HEATR5B: variants seen among roughly 807,000 people sequenced by gnomAD.
HEATR5B encodes HEAT repeat-containing protein 5B.
Under a neutral mutation model 224.1 loss-of-function variants are expected in HEATR5B, and 156 were observed. That is an observed-to-expected ratio of 0.70 (90% confidence interval 0.61 to 0.80). The LOEUF is 0.80. Ranked by LOEUF, HEATR5B falls within the 30% of genes least tolerant of loss-of-function variation. HEATR5B has a pLI of 0.00. For synonymous variants in HEATR5B, 1,027 were observed against 893.0 expected, an observed-to-expected ratio of 1.15 and a Z score of -2.68; for missense variants, 2,323 against 2,535.5, an observed-to-expected ratio of 0.92 and a Z score of 1.80.
chr2:36,992,184 T>G (rs1249119427), intron 33 of HEATR5B, among the ~76,000 whole-genome samples: 2 of 151,756 alleles, frequency 1.3e-5, no homozygotes, highest in African/African-American at 4.8e-5. Flanking sequence ...GGTGACAGAG[T>G]GAGACTCAGT....
chr2:37,009,125 G>A (rs895165153), intron 27 of HEATR5B, among the ~76,000 whole-genome samples: 2 of 151,834 alleles, frequency 1.3e-5, no homozygotes, highest in Admixed American at 6.6e-5. Context: ...GGGCATGGTG[G>A]CAGGCACCTG....
At chr2:37,006,839 G>C (rs541601158) in intron 29 of HEATR5B, among the ~76,000 whole-genome samples, 6 of 152,122 alleles carry the variant, frequency 3.9e-5, no homozygotes, top group Non-Finnish European at 7.4e-5. Context: ...GTGTGAATGA[G>C]CATGACAGTT....
intron 35 of HEATR5B, among the ~76,000 whole-genome samples, chr2:36,987,188 G>A (rs1572731861): frequency 6.6e-6 from 1 of 152,148 alleles, no homozygotes; most frequent in Non-Finnish European, 1.5e-5. Flanking sequence ...GAGCACTTTG[G>A]GAGGCTGAGG....
intron 15 of HEATR5B, among the ~76,000 whole-genome samples, 155 bp downstream of exon 15, chr2:37,057,162 T>G (rs991251807): frequency 1.3e-5 from 2 of 152,240 alleles, no homozygotes; most frequent in Non-Finnish European, 2.9e-5. Flanking sequence ...TTAACTTTTT[T>G]CACTATCTAC....
At chr2:37,034,612 C>CA (rs772823865) in intron 21 of HEATR5B, among the ~76,000 whole-genome samples, 5,038 of 30,536 alleles carry the variant, frequency 0.16, 1,153 homozygotes, top group East Asian at 0.49. Flanking sequence ...GACTCTGTCT[C>CA]AAAAAAAAAA....
At chr2:37,000,470 C>G (rs1471028983) in intron 33 of HEATR5B, 116 bp downstream of exon 33, 1 of 744,930 alleles carries the variant, frequency 1.3e-6, no homozygotes. Context: ...GACTAACATA[C>G]CTCTCTGAGA....
chr2:37,011,650 A>G (rs1667795891), intron 27 of HEATR5B, among the ~76,000 whole-genome samples: 1 of 152,226 alleles, frequency 6.6e-6, no homozygotes, highest in African/African-American at 2.4e-5. Context: ...TTTCATAACC[A>G]TTATTTTAAT....
intron 21 of HEATR5B, among the ~76,000 whole-genome samples, chr2:37,034,651 G>A (rs2148480473): frequency 7.0e-6 from 1 of 143,684 alleles, no homozygotes; most frequent in Admixed American, 7.0e-5. Context: ...ACATCGCCCA[G>A]GCTGGTGTGC....
intron 14 of HEATR5B, 84 bp from the exon 15 acceptor site, chr2:37,057,564 T>C: frequency 1.2e-6 from 1 of 830,762 alleles, no homozygotes; most frequent in Non-Finnish European, 1.9e-6. Context: ...CTGCAACATG[T>C]TCAACAGGAA....
chr2:37,057,438 G>A lies in HEATR5B; in HGVS notation c.2102C>T (p.Thr701Ile). 1 of 1,611,178 alleles carries A rather than the reference G, an allele frequency of 6.2e-7. No individual in the cohort carries two copies. ...TGTGTTGGCTGAGTTGTCAGTCAAA[G>A]TGAATTCCGCTACCAGTTCTCTAAG... Reference protein sequence around the residue: ...ALLRELVAEFTLTDNSANTTT... With the variant: ...ALLRELVAEFILTDNSANTTT... Residue 701 changes from threonine to isoleucine, a missense_variant, in exon 15 of 36, where the codon ACT becomes ATT. Thr to Ile is a moderately conservative substitution (Grantham distance 89, BLOSUM62 -1). Coordinates refer to ENST00000233099, the MANE Select transcript of HEATR5B (RefSeq NM_019024.3).
At chr2:36,985,642 TTTTC>T (rs1558689118) in intron 35 of HEATR5B, among the ~76,000 whole-genome samples, 1 of 144,890 alleles carries the variant, frequency 6.9e-6, no homozygotes. Flanking sequence ...TTTTTTTTTT[TTTTC>T]AGTAGAGACG....
chr2:37,046,570 T>G (rs1572881481), intron 18 of HEATR5B, among the ~76,000 whole-genome samples: 1 of 143,320 alleles, frequency 7.0e-6, no homozygotes, highest in African/African-American at 2.6e-5. Context: ...ACCCGGCAGG[T>G]GGAGGTTGCA....
chr2:37,072,431 GGCAATGAA>G (rs1455545728), intron 5 of HEATR5B, 150 bp from the exon 6 acceptor site: 3 of 559,844 alleles, frequency 5.4e-6, no homozygotes, highest in Non-Finnish European at 9.4e-6. Flanking sequence ...CTGGACATCA[GGCAATGAA>G]GCATCTTTGA....
In HEATR5B at chr2:37,053,502, CT is replaced by C. The variant is rs2148534801; in HGVS notation, c.2504del (p.Lys835ArgfsTer3). 1 of 1,558,788 alleles carries C rather than the reference CT, an allele frequency of 6.4e-7. No individual in the cohort carries two copies. The highest frequency in any genetic ancestry group is 1.2e-5 in the South Asian group (1 of 85,940). Reference sequence around the variant, plus strand: ...AATAGTATGTATTAAAAGTAAATACCTTTAGTGCACTAAGAACAGCAGTAAA... The same window carrying C: ...AATAGTATGTATTAAAAGTAAATACCTTAGTGCACTAAGAACAGCAGTAAA... The part of the protein sequence containing the change: ...NIFTAVLSAL[K>X]GLAENKSTLG... On this transcript the variant is annotated frameshift_variant and splice_region_variant, in exon 17 of 36. Coordinates refer to ENST00000233099, the MANE Select transcript of HEATR5B (RefSeq NM_019024.3). LOFTEE classifies it high-confidence loss of function.
chr2:37,015,312 G>T (rs935844335), intron 26 of HEATR5B, among the ~76,000 whole-genome samples: 3 of 152,160 alleles, frequency 2.0e-5, no homozygotes, highest in Admixed American at 6.5e-5. Flanking sequence ...TGGACAGGGG[G>T]ATCATATTAT....
In HEATR5B at chr2:37,075,638, G is replaced by A; in HGVS notation, c.448-4C>T. 1 of 1,608,058 alleles carries A rather than the reference G, an allele frequency of 6.2e-7. No individual in the cohort carries two copies. The highest frequency in any genetic ancestry group is 8.5e-7 in the Non-Finnish European group (1 of 1,176,568). Reference sequence around the variant, plus strand: ...AGATTTCACTTCGCCCTTGAGACTAGACATGTATACAAAACAAAACTATTT... The same window carrying A: ...AGATTTCACTTCGCCCTTGAGACTAAACATGTATACAAAACAAAACTATTT... On this transcript the variant is annotated splice_polypyrimidine_tract_variant and splice_region_variant and intron_variant, in intron 4 of 35. Coordinates refer to ENST00000233099, the MANE Select transcript of HEATR5B (RefSeq NM_019024.3).
chr2:37,065,049 C>G, intron 9 of HEATR5B, 59 bp from the exon 10 acceptor site: 1 of 1,500,484 alleles, frequency 6.7e-7, no homozygotes, highest in South Asian at 1.2e-5. Flanking sequence ...TTCAGAAACT[C>G]AAATACTATC....
chr2:36,991,953 G>T (rs1666361071), intron 33 of HEATR5B, among the ~76,000 whole-genome samples: 1 of 152,210 alleles, frequency 6.6e-6, no homozygotes, highest in South Asian at 2.1e-4. Flanking sequence ...ATGTCGGCTG[G>T]GTGTGGTGGC....
intron 24 of HEATR5B, among the ~76,000 whole-genome samples, chr2:37,025,103 G>A (rs1449451153): frequency 6.6e-6 from 1 of 152,148 alleles, no homozygotes; most frequent in African/African-American, 2.4e-5. Context: ...CATTTATTGG[G>A]TCTATACTTT....
Sources: allele counts gnomAD v4.1 joint callset (sites outside exome capture counted in the v4.1 genomes callset), GRCh38; gene constraint gnomAD v4.1.1; transcripts MANE v1.5; gene names NCBI Gene and HGNC (gene_info 2026-07-23, HGNC 2026-07-21).